The following PDLIM5 variants were observed in gnomAD, a reference collection of about 807,000 sequenced individuals.
PDLIM5 encodes the protein PDZ and LIM domain 5.
Under a neutral mutation model 64.2 loss-of-function variants are expected in PDLIM5, and 34 were observed. The ratio of observed to expected loss-of-function variants is 0.53; its 90% confidence interval spans 0.40 to 0.71. The LOEUF (loss-of-function observed/expected upper bound fraction) is 0.71. PDLIM5 is among the 30% of genes least tolerant of loss of function. PDLIM5 has a pLI of 0.00. For synonymous variants in PDLIM5, 253 were observed against 269.1 expected, an observed-to-expected ratio of 0.94 and a Z score of 0.59; for missense variants, 683 against 733.6, an observed-to-expected ratio of 0.93 and a Z score of 0.80.
chr4:94,592,979 C>A (rs1422706559), intron 7 of PDLIM5, among the ~76,000 whole-genome samples: 6 of 152,106 alleles, frequency 3.9e-5, no homozygotes, highest in African/African-American at 7.2e-5. Flanking sequence ...ACTGCCCCAC[C>A]CCACAGTAGG....
At chr4:94,603,865 G>A (rs148369688) in intron 7 of PDLIM5, among the ~76,000 whole-genome samples, 188 of 152,122 alleles carry the variant, frequency 1.2e-3, no homozygotes, top group African/African-American at 4.1e-3. Context: ...ACCTGGTAGG[G>A]GACCCATCAC....
chr4:94,477,934 A>G (rs374705504), intron 2 of PDLIM5, among the ~76,000 whole-genome samples: 53 of 152,250 alleles, frequency 3.5e-4, no homozygotes, highest in African/African-American at 1.1e-3. Flanking sequence ...ATGCTTTTTT[A>G]AAAGGAATGA....
At chr4:94,572,902 C>A (rs1734927029) in intron 3 of PDLIM5, among the ~76,000 whole-genome samples, 1 of 152,190 alleles carries the variant, frequency 6.6e-6, no homozygotes, top group Admixed American at 6.5e-5. Flanking sequence ...CACAGAGACC[C>A]AATATCCTGT....
intron 2 of PDLIM5, among the ~76,000 whole-genome samples, chr4:94,510,846 A>G (rs1413887577): frequency 6.6e-6 from 1 of 152,010 alleles, no homozygotes; most frequent in African/African-American, 2.4e-5. Context: ...CATCTCTACT[A>G]AAAAAATACA....
At chr4:94,657,313 G>T in intron 10 of PDLIM5, 114 bp from the exon 11 acceptor site, 1 of 640,518 alleles carries the variant, frequency 1.6e-6, no homozygotes, top group Non-Finnish European at 2.7e-6. Context: ...AATGAAGTAT[G>T]TGTGCCTACT....
chr4:94,643,011 A>AT (rs1221109168), intron 9 of PDLIM5, among the ~76,000 whole-genome samples: 1 of 152,138 alleles, frequency 6.6e-6, no homozygotes, highest in Admixed American at 6.5e-5. Flanking sequence ...GCCAAAAACC[A>AT]TTTTTTATGT....
At chr4:94,631,768 C>T (rs562798329) in intron 8 of PDLIM5, among the ~76,000 whole-genome samples, 3 of 152,284 alleles carry the variant, frequency 2.0e-5, no homozygotes, top group South Asian at 2.1e-4. Flanking sequence ...CACTGGCTTC[C>T]GTGACATACT....
intron 11 of PDLIM5, among the ~76,000 whole-genome samples, chr4:94,660,873 A>C (rs534347816): frequency 6.6e-6 from 1 of 152,090 alleles, no homozygotes; most frequent in East Asian, 1.9e-4. Context: ...AAATTAGGTC[A>C]ACCAGCCTGG....
In PDLIM5 at chr4:94,540,001, A is replaced by G. The variant is rs144713678; in HGVS notation, c.248+16126A>G. ...GAGTTTTTTGTAAGGCAATAATAAA[A>G]TATATAATAATACTACTAATAATAA... is the stretch of plus-strand genomic sequence containing the variant. On this transcript the variant is annotated intron_variant, in intron 3 of 12. Coordinates refer to ENST00000317968, the MANE Select transcript of PDLIM5 (RefSeq NM_006457.5). 1.3e-4 allele frequency among the ~76,000 whole-genome samples: 20 copies of G among 152,224 alleles called. No homozygotes were observed. The East Asian group carries it at 2.5e-3, about 19-fold the overall frequency.
intron 7 of PDLIM5, among the ~76,000 whole-genome samples, chr4:94,590,343 T>G (rs1736580656): frequency 6.6e-6 from 1 of 152,190 alleles, no homozygotes; most frequent in Non-Finnish European, 1.5e-5. Context: ...CCTCCAGATA[T>G]GTAATTTTGT....
chr4:94,496,481 T>G (rs1221387130), intron 2 of PDLIM5, among the ~76,000 whole-genome samples: 1 of 152,070 alleles, frequency 6.6e-6, no homozygotes, highest in African/African-American at 2.4e-5. Context: ...CACACTTTAT[T>G]TATTTATTTG....
chr4:94,469,164 G>A (rs1724627854), intron 2 of PDLIM5, among the ~76,000 whole-genome samples: 1 of 152,142 alleles, frequency 6.6e-6, no homozygotes, highest in Non-Finnish European at 1.5e-5. Flanking sequence ...ACTGTTGTAT[G>A]CACTGAAAAT....
At chr4:94,474,466 G>C (rs572299505) in intron 2 of PDLIM5, among the ~76,000 whole-genome samples, 1 of 152,106 alleles carries the variant, frequency 6.6e-6, no homozygotes, top group South Asian at 2.1e-4. Context: ...GGCCAGGCTG[G>C]TATGAAACTC....
intron 3 of PDLIM5, among the ~76,000 whole-genome samples, chr4:94,540,956 T>A (rs1016629431): frequency 3.3e-5 from 5 of 152,172 alleles, no homozygotes; most frequent in Non-Finnish European, 7.3e-5. Flanking sequence ...TCAAAACCTG[T>A]AACAGAAGTC....
intron 8 of PDLIM5, 66 bp from the exon 9 acceptor site, chr4:94,640,210 T>A (rs1255520134): frequency 2.7e-6 from 2 of 742,636 alleles, no homozygotes; most frequent in Admixed American, 6.2e-5. Flanking sequence ...ATTTTTATTA[T>A]TTGATTGTTA....
chr4:94,544,770 C>T lies in PDLIM5; in HGVS notation c.248+20895C>T, dbSNP rs528553738. Among the ~76,000 whole-genome samples the T allele has an allele frequency of 5.3e-5, 8 of 152,324 alleles. No homozygotes were observed. The East Asian group carries it at 1.4e-3, about 26-fold the overall frequency. On this transcript the variant is annotated intron_variant, in intron 3 of 12. Transcript: ENST00000317968. Reference sequence around the variant, plus strand: ...TCTCAGGCTCAAGTGATTCTCATGCCTCAGCCTCCCGAGTAGCTGGAATTA... The same window carrying T: ...TCTCAGGCTCAAGTGATTCTCATGCTTCAGCCTCCCGAGTAGCTGGAATTA...
At chr4:94,529,123 A>G (rs954611661) in intron 3 of PDLIM5, among the ~76,000 whole-genome samples, 1 of 152,224 alleles carries the variant, frequency 6.6e-6, no homozygotes, top group Non-Finnish European at 1.5e-5. Context: ...TCCAGGGCCT[A>G]TGAAAACATT....
At chr4:94,560,957 G>A (rs1173405592) in intron 3 of PDLIM5, among the ~76,000 whole-genome samples, 2 of 152,092 alleles carry the variant, frequency 1.3e-5, no homozygotes, top group African/African-American at 4.8e-5. Flanking sequence ...TTGATCTCCT[G>A]ACCTCATGAT....
intron 3 of PDLIM5, among the ~76,000 whole-genome samples, chr4:94,569,724 C>T (rs955674427): frequency 3.3e-5 from 5 of 152,090 alleles, no homozygotes; most frequent in South Asian, 2.1e-4. Context: ...TATGGATATG[C>T]GGTTGAGTGC....
Sources: gnomAD v4.1 joint callset for allele counts (sites outside exome capture counted in the v4.1 genomes callset) on GRCh38, gnomAD v4.1.1 for gene constraint, MANE v1.5 for transcripts, NCBI Gene and HGNC (gene_info 2026-07-23, HGNC 2026-07-21) for gene names.